KLF12: variants seen among roughly 807,000 people sequenced by gnomAD.
The protein encoded by KLF12 is Krueppel-like factor 12.
Under a neutral mutation model 37.8 loss-of-function variants are expected in KLF12, and 9 were observed. The observed-to-expected ratio is 0.24, with a 90% CI of 0.14 to 0.42. The LOEUF (loss-of-function observed/expected upper bound fraction) is 0.42. Among genes scored for constraint, KLF12 ranks in the 10% least tolerant of loss-of-function variants. KLF12 has a pLI of 1.00. For missense variants in KLF12, 411 were observed against 516.0 expected (o/e 0.80, Z 1.97); for synonymous variants, 208 against 202.1 (o/e 1.03, Z -0.25).
chr13:73,822,142 G>T (rs1883563233), intron 4 of KLF12, among the ~76,000 whole-genome samples: 1 of 152,204 alleles, frequency 6.6e-6, no homozygotes, highest in East Asian at 1.9e-4. Context: ...AATGATGCAA[G>T]TGTCTAGCTC....
the KLF12 span, among the ~76,000 whole-genome samples, chr13:74,206,967 T>G: frequency 1.3e-5 from 2 of 152,194 alleles, no homozygotes; most frequent in East Asian, 1.9e-4. Flanking sequence ...TGCTATAAAT[T>G]ACTAAGATGG....
intron 2 of KLF12, among the ~76,000 whole-genome samples, chr13:73,959,124 C>CAAAAAAAAAAAA (rs66521656): frequency 1.0e-4 from 9 of 86,832 alleles, no homozygotes; most frequent in Admixed American, 3.8e-4. Flanking sequence ...ACCCCCCTTC[C>CAAAAAAAAAAAA]AAAAAAAAAC....
chr13:74,262,772 G>A, the KLF12 span, among the ~76,000 whole-genome samples: 1 of 151,978 alleles, frequency 6.6e-6, no homozygotes, highest in Non-Finnish European at 1.5e-5. Context: ...ACTCAGTTAG[G>A]ACCTCAGGAA....
chr13:74,111,210 C>T (rs1876956106), intron 1 of KLF12, among the ~76,000 whole-genome samples: 2 of 151,382 alleles, frequency 1.3e-5, no homozygotes. Flanking sequence ...AAAAATTAAC[C>T]TTTTGCATTA....
chr13:73,695,443 C>G lies in KLF12; in HGVS notation c.*47G>C, dbSNP rs748911792. On this transcript the variant is annotated 3_prime_UTR_variant, in exon 8 of 8. Transcript: ENST00000377669. ...GGATTCAGCCCTGCTGAATTGGGTG[C>G]CGCTAAGAGATCCAGCTCTTACGCT... 53 of 1,582,530 alleles carry G rather than the reference C, an allele frequency of 3.3e-5. No homozygotes were observed. Among genetic ancestry groups the G allele is most frequent in the South Asian group, 1.7e-4 (15 of 89,354 alleles).
chr13:73,905,373 A>G (rs999236750), intron 3 of KLF12, among the ~76,000 whole-genome samples: 1 of 149,908 alleles, frequency 6.7e-6, no homozygotes, highest in Non-Finnish European at 1.5e-5. Context: ...TTGAAATATG[A>G]TATCATCATG....
chr13:74,002,771 T>TA, intron 1 of KLF12, among the ~76,000 whole-genome samples: 1 of 152,296 alleles, frequency 6.6e-6, no homozygotes, highest in Non-Finnish European at 1.5e-5. Flanking sequence ...TGGCAGGTAA[T>TA]AAAAGTCACT....
chr13:73,972,176 A>G (rs1891366579), intron 2 of KLF12, among the ~76,000 whole-genome samples: 1 of 152,208 alleles, frequency 6.6e-6, no homozygotes, highest in South Asian at 2.1e-4. Context: ...GCAACATGTT[A>G]AAAGATTTAA....
At chr13:74,263,941 GGCAGCC>G in the KLF12 span, among the ~76,000 whole-genome samples, 44 of 151,910 alleles carry the variant, frequency 2.9e-4, 1 homozygote, top group Middle Eastern at 0.014. Context: ...TTTTTTTCTA[GGCAGCC>G]ACAATCTTGA....
chr13:74,024,829 T>C (rs1892933698), intron 1 of KLF12, among the ~76,000 whole-genome samples: 1 of 152,116 alleles, frequency 6.6e-6, no homozygotes. Context: ...TCTAACAGAT[T>C]TTCACTTATT....
At chr13:74,003,162 G>C (rs144979652) in intron 1 of KLF12, among the ~76,000 whole-genome samples, 14 of 152,266 alleles carry the variant, frequency 9.2e-5, no homozygotes, top group African/African-American at 3.1e-4. Context: ...TAACACCATA[G>C]GGAGCTCTGG....
At chr13:73,972,530 G>A (rs1891377667) in intron 2 of KLF12, among the ~76,000 whole-genome samples, 1 of 150,348 alleles carries the variant, frequency 6.7e-6, no homozygotes, top group Admixed American at 6.7e-5. Flanking sequence ...AAACATAAAT[G>A]TCATAAGCTG....
chr13:73,787,780 T>G (rs1881444053), intron 5 of KLF12, among the ~76,000 whole-genome samples: 1 of 152,162 alleles, frequency 6.6e-6, no homozygotes, highest in South Asian at 2.1e-4. Flanking sequence ...ACAAAATGAT[T>G]CATAGAAAAT....
At chr13:73,963,403 C>T (rs7997530) in intron 2 of KLF12, among the ~76,000 whole-genome samples, 4 of 151,244 alleles carry the variant, frequency 2.6e-5, no homozygotes, top group African/African-American at 9.7e-5. Context: ...TGAAAAACAT[C>T]CAGTGGGAAA....
intron 3 of KLF12, among the ~76,000 whole-genome samples, chr13:73,890,446 T>TA (rs1304242693): frequency 6.6e-6 from 1 of 152,122 alleles, no homozygotes; most frequent in Non-Finnish European, 1.5e-5. Flanking sequence ...ACTGTTATTT[T>TA]AAAAAATCAC....
chr13:73,861,031 C>G lies in KLF12; in HGVS notation c.124-14658G>C, dbSNP rs1240200281. ...CTAATTTGAAATACATTTTTTATAA[C>G]TAGAAAATTTATAATTAGCATCTCT... On this transcript the variant is annotated intron_variant, in intron 3 of 7. Transcript: ENST00000377669. Among the ~76,000 whole-genome samples, 4 of 152,062 alleles carry G rather than the reference C, an allele frequency of 2.6e-5. No individual in the cohort carries two copies. The East Asian group carries it at 7.7e-4, about 29-fold the overall frequency.
At chr13:73,909,765 A>G (rs1049428329) in intron 3 of KLF12, among the ~76,000 whole-genome samples, 1 of 152,182 alleles carries the variant, frequency 6.6e-6, no homozygotes, top group Non-Finnish European at 1.5e-5. Context: ...TTAAATATCT[A>G]TTAATCTTCT....
At chr13:73,986,490 AAT>A (rs1891831948) in intron 2 of KLF12, among the ~76,000 whole-genome samples, 1 of 152,232 alleles carries the variant, frequency 6.6e-6, no homozygotes, top group Non-Finnish European at 1.5e-5. Context: ...ATGTACCTGC[AAT>A]CACAGTCACT....
At chr13:74,103,449 G>A (rs750945540) in intron 1 of KLF12, among the ~76,000 whole-genome samples, 3 of 152,100 alleles carry the variant, frequency 2.0e-5, no homozygotes, top group Non-Finnish European at 2.9e-5. Context: ...GCCCTCAAAG[G>A]TACTCTAAAT....
Sources: allele counts gnomAD v4.1 joint callset (sites outside exome capture counted in the v4.1 genomes callset), GRCh38; gene constraint gnomAD v4.1.1; transcripts MANE v1.5; gene names NCBI Gene and HGNC (gene_info 2026-07-23, HGNC 2026-07-21).